The following HHAT variants were observed in gnomAD, a reference collection of about 807,000 sequenced individuals.
The protein encoded by HHAT is hedgehog acyltransferase.
HHAT carries 47 observed loss-of-function variants against 70.8 expected under a neutral mutation model. The ratio of observed to expected loss-of-function variants is 0.66; its 90% confidence interval spans 0.53 to 0.85. The LOEUF (loss-of-function observed/expected upper bound fraction) is 0.85, where lower values mean the gene tolerates loss of function less well. Among genes scored for constraint, HHAT ranks in the 40% least tolerant of loss-of-function variants. The pLI is 0.00. For synonymous variants in HHAT, 228 were observed against 247.6 expected, an observed-to-expected ratio of 0.92 and a Z score of 0.74; for missense variants, 609 against 604.8, an observed-to-expected ratio of 1.01 and a Z score of -0.07.
chr1:210,608,972 C>T (rs539300114), intron 10 of HHAT, among the ~76,000 whole-genome samples: 11 of 152,184 alleles, frequency 7.2e-5, no homozygotes, highest in African/African-American at 1.9e-4. Flanking sequence ...AAGTGCCAAG[C>T]GAAGGGGGAA....
chr1:210,511,749 G>A (rs140296890), intron 8 of HHAT, among the ~76,000 whole-genome samples: 1 of 151,016 alleles, frequency 6.6e-6, no homozygotes, highest in African/African-American at 2.4e-5. Flanking sequence ...CTGCCTGGGG[G>A]ACTATATCAT....
At chr1:210,398,783 T>C (rs2148190256) in intron 4 of HHAT, among the ~76,000 whole-genome samples, 1 of 152,330 alleles carries the variant, frequency 6.6e-6, no homozygotes, top group East Asian at 1.9e-4. Context: ...TAAAATAGTC[T>C]TTGGCCATGT....
intron 2 of HHAT, among the ~76,000 whole-genome samples, chr1:210,353,433 TG>T (rs1460873822): frequency 1.5e-3 from 119 of 77,636 alleles, no homozygotes; most frequent in African/African-American, 5.8e-3. Context: ...GGAAGTCACC[TG>T]TTTTTTTTTT....
chr1:210,492,494 A>G (rs1285339019), intron 8 of HHAT, among the ~76,000 whole-genome samples: 2 of 152,290 alleles, frequency 1.3e-5, no homozygotes, highest in African/African-American at 4.8e-5. Context: ...GAGAGATACT[A>G]CCAAAGTAGA....
At chr1:210,456,345 A>G (rs2093867810) in intron 7 of HHAT, among the ~76,000 whole-genome samples, 1 of 151,664 alleles carries the variant, frequency 6.6e-6, no homozygotes, top group Non-Finnish European at 1.5e-5. Context: ...GGTCTTACTT[A>G]CTCTGAATAC....
At chr1:210,441,510 A>G (rs368602738) in intron 7 of HHAT, among the ~76,000 whole-genome samples, 1 of 152,210 alleles carries the variant, frequency 6.6e-6, no homozygotes, top group Non-Finnish European at 1.5e-5. Flanking sequence ...TTCTACAAAT[A>G]TGATAATTTT....
In HHAT at chr1:210,577,637, A is replaced by ATTTTTTTTTTTTTTTTTTTTT. The variant is rs1192626068; in HGVS notation, c.1044-10254_1044-10234dup. ...TGCATTAGGGATATTGGCCTGTAGG[A>ATTTTTTTTTTTTTTTTTTTTT]TTTTTTTTTTTTTTTTTTTTTTTTT... On this transcript the variant is annotated intron_variant, in intron 9 of 11. Transcript: ENST00000261458. 8.3e-5 allele frequency among the ~76,000 whole-genome samples: 5 copies of ATTTTTTTTTTTTTTTTTTTTT among 60,252 alleles called. 1 individual carries two copies. The highest frequency in any genetic ancestry group is 1.3e-4 in the Non-Finnish European group (4 of 31,176). The allele number at this position is 60,252 out of a possible 152,430, so 39.5% of individuals were successfully genotyped here.
At chr1:210,470,414 C>G (rs2094183847) in intron 8 of HHAT, among the ~76,000 whole-genome samples, 1 of 152,082 alleles carries the variant, frequency 6.6e-6, no homozygotes, top group South Asian at 2.1e-4. Context: ...TAGTCAATCC[C>G]CCTCTCTCAT....
At chr1:210,374,271 G>C (rs183325900) in intron 3 of HHAT, 1 of 150,638 alleles carries the variant, frequency 6.6e-6, no homozygotes, top group Non-Finnish European at 1.5e-5. Flanking sequence ...CCAGTGTAAT[G>C]CTACAAATTA....
chr1:210,650,754 GA>G (rs1558355085), intron 11 of HHAT, among the ~76,000 whole-genome samples: 1 of 152,158 alleles, frequency 6.6e-6, no homozygotes, highest in Non-Finnish European at 1.5e-5. Context: ...ACAAGCTTTG[GA>G]GCCCTTCTTT....
Position 210,513,152 on chromosome 1 carries a change from G to A in HHAT, c.1008-1G>A. The A allele has an allele frequency of 1.3e-6, 2 of 1,529,828 alleles. No homozygotes were observed. The highest frequency in any genetic ancestry group is 1.1e-5 in the South Asian group (1 of 87,110). 94.8% of individuals were successfully genotyped at this position (1,529,828 alleles called of 1,614,324 possible). The stretch of plus-strand genomic sequence containing the variant: ...TGCTTGTCTATGTCTCTTTTGAACA[G>A]GTATTTTGATGTTGGACTGCATAAT... On this transcript the variant is annotated splice_acceptor_variant, in intron 8 of 11. Coordinates refer to ENST00000261458, the MANE Select transcript of HHAT (RefSeq NM_018194.6). LOFTEE classifies it high-confidence loss of function.
chr1:210,483,027 T>C (rs778876606), intron 8 of HHAT, among the ~76,000 whole-genome samples: 1 of 152,188 alleles, frequency 6.6e-6, no homozygotes, highest in Admixed American at 6.5e-5. Context: ...CTTGGGGATA[T>C]TGGGGCTTTG....
chr1:210,644,856 C>T (rs1365624808), intron 11 of HHAT, among the ~76,000 whole-genome samples: 4 of 152,044 alleles, frequency 2.6e-5, no homozygotes, highest in African/African-American at 4.8e-5. Flanking sequence ...TGGGGCACTC[C>T]GGGAAACCTG....
intron 6 of HHAT, among the ~76,000 whole-genome samples, chr1:210,409,070 T>C (rs889598895): frequency 6.6e-6 from 1 of 152,182 alleles, no homozygotes; most frequent in African/African-American, 2.4e-5. Flanking sequence ...CTTGCTATGT[T>C]GCCCAGGCTG....
intron 7 of HHAT, among the ~76,000 whole-genome samples, chr1:210,438,174 T>TTGTG (rs3036615): frequency 0.015 from 2,246 of 149,572 alleles, 95 homozygotes; most frequent in African/African-American, 0.05. Flanking sequence ...TTCTCCGTGT[T>TTGTG]TGTGTGTGTG....
At position 210,476,021 on chromosome 1, in the gene HHAT, TTAA is replaced by T. The variant is rs1043425101; in HGVS notation, c.1007+11370_1007+11372del. On this transcript the variant is annotated intron_variant, in intron 8 of 11. Transcript: ENST00000261458. Reference sequence around the variant, plus strand: ...TAACTGCATTTAAATCCTAATCCTCTTAATAAGGTTTTGAACCATAAGTGTGTT... The same window carrying T: ...TAACTGCATTTAAATCCTAATCCTCTTAAGGTTTTGAACCATAAGTGTGTT... Among the ~76,000 whole-genome samples the T allele has an allele frequency of 1.3e-4, 20 of 152,378 alleles. 1 individual carries two copies. Among genetic ancestry groups the T allele is most frequent in the African/African-American group, 4.3e-4 (18 of 41,594 alleles).
At chr1:210,369,902 A>C (rs3765874) in intron 3 of HHAT, 57,347 of 151,984 alleles carry the variant, frequency 0.38, 11,594 homozygotes, top group Non-Finnish European at 0.44. Flanking sequence ...GATAGATCGT[A>C]AAGGCCATGA....
intron 4 of HHAT, among the ~76,000 whole-genome samples, chr1:210,391,339 T>C (rs2091443365): frequency 6.6e-6 from 1 of 152,180 alleles, no homozygotes. Context: ...TTAGAAAATA[T>C]GACATAGAAT....
chr1:210,407,774 G>A (rs2092390779), intron 6 of HHAT, among the ~76,000 whole-genome samples: 1 of 152,164 alleles, frequency 6.6e-6, no homozygotes, highest in South Asian at 2.1e-4. Context: ...TTAGGGAAGG[G>A]AAGGACATGG....
Sources: allele counts gnomAD v4.1 joint callset (sites outside exome capture counted in the v4.1 genomes callset), GRCh38; gene constraint gnomAD v4.1.1; transcripts MANE v1.5; gene names NCBI Gene and HGNC (gene_info 2026-07-23, HGNC 2026-07-21).